Variants in OR10G3 observed in about 807,000 individuals in gnomAD.
OR10G3 encodes olfactory receptor family 10 subfamily G member 3.
In OR10G3, 8 loss-of-function variants were observed where a neutral mutation model predicts 13.4. The ratio of observed to expected loss-of-function variants is 0.60; its 90% CI spans 0.35 to 1.08. The LOEUF (loss-of-function observed/expected upper bound fraction) is 1.08. Ranked by LOEUF, OR10G3 falls within the 50% of genes least tolerant of loss-of-function variation. The pLI is 0.02. For synonymous variants in OR10G3, 142 were observed against 156.1 expected (o/e 0.91, Z 0.67); for missense variants, 393 against 386.6 (o/e 1.02, Z -0.14).
chr14:21,570,691 C>G lies in OR10G3; in HGVS notation c.54G>C (p.Pro18=). 1.9e-6 allele frequency: 3 copies of G among 1,604,718 alleles called. No individual in the cohort carries two copies. The highest frequency in any genetic ancestry group is 1.7e-6 in the Non-Finnish European group (2 of 1,179,406). Residue 18 remains proline (P), a synonymous_variant, in exon 2 of 2, where the codon CCG becomes CCC. Transcript: ENST00000641040. ...LLTAFILTGI[P]YPLRLRTLFF... ...AGAGTGTCCTTAGCCTGAGTGGATA[C>G]GGAATTCCTGTCAGGATAAACGCAG...
intron 1 of OR10G3, among the ~76,000 whole-genome samples, chr14:21,579,305 T>C (rs535670576): frequency 6.6e-5 from 10 of 152,290 alleles, no homozygotes; most frequent in African/African-American, 2.4e-4. Flanking sequence ...AATGCAGTTG[T>C]GCCATCTTGG....
rs1893040238 is a variant in OR10G3 at position 21,569,685 on chromosome 14, T to C, written c.*118A>G. 2 of 768,164 alleles carry C rather than the reference T, an allele frequency of 2.6e-6. No individual in the cohort carries two copies. The highest frequency in any genetic ancestry group is 2.9e-5 in the Admixed American group (1 of 34,524). 47.6% of individuals were successfully genotyped at this position (768,164 alleles called of 1,614,324 possible). On this transcript the variant is annotated 3_prime_UTR_variant, in exon 2 of 2. Coordinates refer to ENST00000641040, the MANE Select transcript of OR10G3 (RefSeq NM_001005465.2). ...GTATTTTACCTTAAACTGTGTTTGA[T>C]CATACAGTATGGCTATATAAAAGAG...
intron 1 of OR10G3, among the ~76,000 whole-genome samples, chr14:21,575,947 G>T (rs1893124752): frequency 6.6e-6 from 1 of 152,214 alleles, no homozygotes; most frequent in African/African-American, 2.4e-5. Flanking sequence ...AGCTACAGAT[G>T]CTGGCCTCCT....
intron 1 of OR10G3, among the ~76,000 whole-genome samples, chr14:21,574,086 G>A (rs565805193): frequency 4.6e-5 from 7 of 151,566 alleles, no homozygotes; most frequent in African/African-American, 1.7e-4. Flanking sequence ...GGCGGATCAC[G>A]AGGTCAGGAG....
At chr14:21,574,454 G>A (rs1326575367) in intron 1 of OR10G3, among the ~76,000 whole-genome samples, 1 of 152,206 alleles carries the variant, frequency 6.6e-6, no homozygotes, top group African/African-American at 2.4e-5. Flanking sequence ...GTGCAGGGCA[G>A]CATTCTGCCT....
chr14:21,573,893 A>G (rs577990735), intron 1 of OR10G3, among the ~76,000 whole-genome samples: 2 of 152,226 alleles, frequency 1.3e-5, no homozygotes, highest in Non-Finnish European at 2.9e-5. Flanking sequence ...AAAACATCAC[A>G]TTTTTAATTT....
intron 1 of OR10G3, among the ~76,000 whole-genome samples, chr14:21,576,226 A>G (rs183225976): frequency 9.8e-4 from 150 of 152,352 alleles, no homozygotes; most frequent in African/African-American, 3.4e-3. Context: ...AGTACCTGAG[A>G]GAATGACTTA....
At chr14:21,572,895 T>A (rs1400274436) in intron 1 of OR10G3, among the ~76,000 whole-genome samples, 1 of 152,224 alleles carries the variant, frequency 6.6e-6, no homozygotes, top group Admixed American at 6.5e-5. Context: ...TGTGCAAGAC[T>A]GCTTTGGCTA....
chr14:21,574,794 A>T (rs1893109700), intron 1 of OR10G3: 2 of 152,052 alleles, frequency 1.3e-5, no homozygotes, highest in Admixed American at 6.5e-5. Context: ...TAAAAAAAAT[A>T]AAAAAAATTT....
At chr14:21,572,324 T>TGTGG (rs1478561955) in intron 1 of OR10G3, among the ~76,000 whole-genome samples, 1 of 35,506 alleles carries the variant, frequency 2.8e-5, no homozygotes, top group Non-Finnish European at 6.2e-5. Context: ...AAAGGCCAGG[T>TGTGG]GTGGTGGCTC....
intron 1 of OR10G3, among the ~76,000 whole-genome samples, chr14:21,574,132 T>C (rs1893101234): frequency 6.6e-6 from 1 of 151,780 alleles, no homozygotes; most frequent in Non-Finnish European, 1.5e-5. Context: ...TGAAACCCCG[T>C]CTCTACTAAA....
rs1185099748 is a variant in OR10G3 at position 21,569,876 on chromosome 14, G to A, written c.869C>T (p.Thr290Ile). The A allele has an allele frequency of 1.2e-5, 20 of 1,614,064 alleles. No individual in the cohort carries two copies. The highest frequency in any genetic ancestry group is 1.6e-5 in the Non-Finnish European group (19 of 1,180,036). ...CAGCTTCACCTCTTGGTTCCGCAGA[G>A]TGTAGATAAGGGGGTTGAGGAAAGG... ...ITPFLNPLIYTLRNQEVKLAL... is the reference protein window; with the variant it reads ...ITPFLNPLIYILRNQEVKLAL... Residue 290 changes from threonine (T) to isoleucine (I), a missense_variant, in exon 2 of 2, where the codon ACT becomes ATT. Thr to Ile is a moderately conservative substitution (Grantham distance 89). Transcript: ENST00000641040.
rs397852312 is a variant in OR10G3 at position 21,572,608 on chromosome 14, C to CAAAAAAAAA, written c.-17-1856_-17-1848dup. On this transcript the variant is annotated intron_variant, in intron 1 of 1. Transcript: ENST00000641040. The stretch of plus-strand genomic sequence containing the variant: ...CGAGACTCCATCTCAAACAAACAAA[C>CAAAAAAAAA]AAAAAAAAAAAAAAAAAAAAAAAGA... 2.6e-3 allele frequency among the ~76,000 whole-genome samples: 285 copies of CAAAAAAAAA among 110,316 alleles called. 1 individual carries two copies. The highest frequency in any genetic ancestry group is 5.7e-3 in the Middle Eastern group (1 of 174). The allele number at this position is 110,316 out of a possible 152,430, so 72.4% of individuals were successfully genotyped here.
chr14:21,570,486 T>C lies in OR10G3; in HGVS notation c.259A>G (p.Thr87Ala). 6.2e-7 allele frequency: 1 copy of C among 1,613,826 alleles called. No homozygotes were observed. Among genetic ancestry groups the C allele is most frequent in the Non-Finnish European group, 8.5e-7 (1 of 1,179,968 alleles). ...IIVPRLMMNF[T>A]LGVKPIPFGG... ...AATGGGATGGGTTTGACACCTAAAG[T>C]GAAGTTCATCATGAGGCGAGGGACA... The change falls in exon 2 of 2, where the codon ACT becomes GCT. Residue 87 changes from threonine to alanine, a missense_variant. Thr to Ala is a moderately conservative substitution (Grantham distance 58, BLOSUM62 0). Coordinates refer to ENST00000641040, the MANE Select transcript of OR10G3 (RefSeq NM_001005465.2).
chr14:21,570,089 T>TAGGAG lies in OR10G3; in HGVS notation c.651_655dup (p.Tyr219SerfsTer11), dbSNP rs1893047396. On this transcript the variant is annotated frameshift_variant, in exon 2 of 2. Transcript: ENST00000641040. LOFTEE classifies it high-confidence loss of function. ...CAGGATGGCCTGAATGATCTGTATG[T>TAGGAG]AGGAGAGGAGGATCAGGGAGAAGCA... 6.2e-7 allele frequency: 1 copy of TAGGAG among 1,614,012 alleles called. No individual in the cohort carries two copies. The highest frequency in any genetic ancestry group is 1.7e-5 in the Admixed American group (1 of 59,980).
intron 1 of OR10G3, among the ~76,000 whole-genome samples, chr14:21,574,142 A>C (rs1163321112): frequency 6.6e-6 from 1 of 152,010 alleles, no homozygotes; most frequent in Non-Finnish European, 1.5e-5. Flanking sequence ...TCTCTACTAA[A>C]AATACAAAAA....
chr14:21,573,051 C>T (rs975055343), intron 1 of OR10G3, among the ~76,000 whole-genome samples: 1 of 152,162 alleles, frequency 6.6e-6, no homozygotes, highest in Non-Finnish European at 1.5e-5. Context: ...GAATTAAAGA[C>T]TTAAACATAA....
At chr14:21,571,071 A>C (rs566517192) in intron 1 of OR10G3, among the ~76,000 whole-genome samples, 1 of 152,294 alleles carries the variant, frequency 6.6e-6, no homozygotes, top group African/African-American at 2.4e-5. Context: ...AAAAGTTTGC[A>C]CCGAGGGTTT....
At chr14:21,572,941 A>C (rs1262981596) in intron 1 of OR10G3, among the ~76,000 whole-genome samples, 4 of 152,240 alleles carry the variant, frequency 2.6e-5, no homozygotes, top group Non-Finnish European at 5.9e-5. Context: ...GGGAAAGGAC[A>C]GTCTCTTCAA....
Sources: gnomAD v4.1 joint callset for allele counts (sites outside exome capture counted in the v4.1 genomes callset) on GRCh38, gnomAD v4.1.1 for gene constraint, MANE v1.5 for transcripts, NCBI Gene and HGNC (gene_info 2026-07-23, HGNC 2026-07-21) for gene names.